The following AP3B1 variants were observed in gnomAD, a reference collection of about 807,000 sequenced individuals.
AP3B1 encodes the protein AP-3 complex subunit beta-1.
Under a neutral mutation model 132.5 loss-of-function variants are expected in AP3B1, and 61 were observed. The observed-to-expected ratio is 0.46, with a 90% confidence interval of 0.37 to 0.57. AP3B1 has a LOEUF of 0.57. Among genes scored for constraint, AP3B1 ranks in the 20% least tolerant of loss-of-function variants. The pLI is 0.00. For missense variants in AP3B1, 1,120 were observed against 1,289.4 expected, an observed-to-expected ratio of 0.87 and a Z score of 2.01; for synonymous variants, 388 against 438.3, an observed-to-expected ratio of 0.89 and a Z score of 1.43.
chr5:78,107,463 A>T (rs1004358808), intron 20 of AP3B1, among the ~76,000 whole-genome samples: 7 of 152,312 alleles, frequency 4.6e-5, no homozygotes, highest in Non-Finnish European at 8.8e-5. Flanking sequence ...AAATGCTGAA[A>T]AAACCTGAAT....
rs1053094953 is a variant in AP3B1 at position 78,078,654 on chromosome 5, T to C, written c.2577+10739A>G. The stretch of plus-strand genomic sequence containing the variant: ...ACAAATATCGCTATCCAAGTCCATA[T>C]TGATAGGCACTCTTTGCAGAATTAC... On this transcript the variant is annotated intron_variant, in intron 22 of 26. Transcript: ENST00000255194. Among the ~76,000 whole-genome samples the C allele has an allele frequency of 3.3e-5, 5 of 152,224 alleles. No homozygotes were observed. In the South Asian group the frequency reaches 8.3e-4, roughly 25 times the overall value.
At chr5:78,182,333 G>T (rs976753169) in intron 7 of AP3B1, among the ~76,000 whole-genome samples, 5 of 152,326 alleles carry the variant, frequency 3.3e-5, no homozygotes, top group Admixed American at 6.5e-5. Context: ...CTGTTTAGAG[G>T]TAACTTCCGT....
At chr5:78,205,872 T>C (rs1199315124) in intron 7 of AP3B1, among the ~76,000 whole-genome samples, 6 of 149,060 alleles carry the variant, frequency 4.0e-5, no homozygotes, top group Middle Eastern at 3.5e-3. Context: ...TTTTTTTTTT[T>C]CAGAATATAG....
chr5:78,141,172 C>G lies in AP3B1; in HGVS notation c.1621G>C (p.Ala541Pro). ...LVKLQILNLGAKLYLTNSKQT... is the reference protein window; with the variant it reads ...LVKLQILNLGPKLYLTNSKQT... The stretch of plus-strand genomic sequence containing the variant: ...TTGGAGTTGGTTAAATACAATTTTG[C>G]TCCCAGATTTAATATCTGCAGTTTT... The change falls in exon 15 of 27, where the codon GCA (alanine) becomes CCA (proline). Residue 541 changes from alanine (A) to proline (P), a missense_variant. Coordinates refer to ENST00000255194, the MANE Select transcript of AP3B1 (RefSeq NM_003664.5). 1 of 1,613,700 alleles carries G rather than the reference C, an allele frequency of 6.2e-7. No individual in the cohort carries two copies. Among genetic ancestry groups the G allele is most frequent in the East Asian group, 2.2e-5 (1 of 44,836 alleles).
chr5:78,248,393 T>G (rs1747465640), intron 2 of AP3B1, among the ~76,000 whole-genome samples: 1 of 146,990 alleles, frequency 6.8e-6, no homozygotes, highest in Admixed American at 7.1e-5. Context: ...CTCAGGAGGC[T>G]GAGGCAGAAG....
At chr5:78,131,761 C>A (rs1197662162) in intron 15 of AP3B1, among the ~76,000 whole-genome samples, 1 of 152,126 alleles carries the variant, frequency 6.6e-6, no homozygotes, top group Non-Finnish European at 1.5e-5. Flanking sequence ...TTAACCTGTT[C>A]AGTTCTTCCC....
chr5:78,213,117 G>A (rs1275213152), intron 7 of AP3B1, among the ~76,000 whole-genome samples: 3 of 151,778 alleles, frequency 2.0e-5, no homozygotes, highest in African/African-American at 7.3e-5. Context: ...CTGACCTCGT[G>A]ATAAGCCCGC....
At chr5:78,128,624 T>C (rs1752564096) in intron 16 of AP3B1, among the ~76,000 whole-genome samples, 1 of 152,126 alleles carries the variant, frequency 6.6e-6, no homozygotes, top group South Asian at 2.1e-4. Context: ...TGTAAGGTGG[T>C]AAAATACTTA....
At chr5:78,157,040 T>G (rs746570713) in intron 13 of AP3B1, among the ~76,000 whole-genome samples, 2 of 152,110 alleles carry the variant, frequency 1.3e-5, no homozygotes, top group African/African-American at 2.4e-5. Context: ...GGTCCTGGCT[T>G]ATAGCTGTGT....
chr5:78,109,604 T>A (rs1046490415), intron 20 of AP3B1, among the ~76,000 whole-genome samples: 3 of 152,152 alleles, frequency 2.0e-5, no homozygotes, highest in Admixed American at 2.0e-4. Flanking sequence ...TATATTTTTA[T>A]TCTTTTAACT....
chr5:78,113,793 G>A lies in AP3B1; in HGVS notation c.2208C>T (p.Asn736=), dbSNP rs78531089. Residue 736 remains asparagine (N), a synonymous_variant, in exon 19 of 27, where the codon AAC becomes AAT. Transcript: ENST00000255194. ...SESGRESGLE[N]KRTAKRNSKA... is the part of the protein sequence containing the mutation. Reference sequence around the variant, plus strand: ...TTGAGTTCCTCTTGGCTGTTCTTTTGTTTTCTAGGCCTGACTCCCGTCCAC... The same window carrying A: ...TTGAGTTCCTCTTGGCTGTTCTTTTATTTTCTAGGCCTGACTCCCGTCCAC... 2.5e-6 allele frequency: 4 copies of A among 1,613,876 alleles called. No individual in the cohort carries two copies. In the African/African-American group the frequency reaches 5.3e-5, roughly 22 times the overall value.
intron 7 of AP3B1, among the ~76,000 whole-genome samples, chr5:78,197,360 T>C (rs1362887067): frequency 6.6e-6 from 1 of 152,166 alleles, no homozygotes; most frequent in Non-Finnish European, 1.5e-5. Flanking sequence ...CAAACGTTGT[T>C]ACATTACATA....
rs143218520 is a variant in AP3B1, at chr5:78,270,480, G to C, written c.129-2885C>G. Reference sequence around the variant, plus strand: ...CAATCAGAGATACATGCCCAAAAAAGGATGTATAAAAATATTCAACGAAGG... The same window carrying C: ...CAATCAGAGATACATGCCCAAAAAACGATGTATAAAAATATTCAACGAAGG... On this transcript the variant is annotated intron_variant, in intron 1 of 26. Transcript: ENST00000255194. Among the ~76,000 whole-genome samples, 305 of 152,194 alleles carry C rather than the reference G, an allele frequency of 2.0e-3. 3 individuals are homozygous for C. The highest frequency in any genetic ancestry group is 7.2e-3 in the African/African-American group (297 of 41,522).
At chr5:78,196,144 G>A (rs1745069128) in intron 7 of AP3B1, among the ~76,000 whole-genome samples, 1 of 152,110 alleles carries the variant, frequency 6.6e-6, no homozygotes. Flanking sequence ...ATAAAGGACT[G>A]TTATCCAAAA....
At position 78,294,472 on chromosome 5, in the gene AP3B1, G is replaced by T; in HGVS notation, c.108C>A (p.Leu36=). ...CTCACTTCTTCAAATCGCTGCTAAA[G>T]AGGCCGAAGGCCCCCGAGGGGGAAA... The part of the protein sequence containing the change: ...STISPSGAFG[L]FSSDLKKNED... Residue 36 remains leucine (L), a synonymous_variant, in exon 1 of 27, where the codon CTC becomes CTA. Coordinates refer to ENST00000255194, the MANE Select transcript of AP3B1 (RefSeq NM_003664.5). The T allele has an allele frequency of 3.7e-6, 6 of 1,614,230 alleles. No individual in the cohort carries two copies. The highest frequency in any genetic ancestry group is 2.2e-5 in the South Asian group (2 of 91,092).
intron 2 of AP3B1, among the ~76,000 whole-genome samples, chr5:78,254,492 G>A (rs114718207): frequency 0.011 from 1,667 of 152,218 alleles, 33 homozygotes; most frequent in African/African-American, 0.038. Flanking sequence ...AACATACAAC[G>A]GAGCTCCAAT....
intron 24 of AP3B1, 118 bp downstream of exon 24, chr5:78,034,243 A>C: frequency 3.7e-6 from 3 of 808,246 alleles, no homozygotes; most frequent in Non-Finnish European, 6.4e-6. Context: ...TATCAAAGCA[A>C]AACATATTTG....
At chr5:78,216,320 T>C (rs1745960375) in intron 6 of AP3B1, 83 bp from the exon 7 acceptor site, 2 of 1,291,582 alleles carry the variant, frequency 1.5e-6, no homozygotes, top group Admixed American at 3.9e-5. Context: ...TAGTAATCAG[T>C]TTCATGCCAA....
chr5:78,043,728 C>A, intron 22 of AP3B1: 1 of 415,622 alleles, frequency 2.4e-6, no homozygotes, highest in South Asian at 2.2e-5. Flanking sequence ...CAACTACTTT[C>A]TCTGCCACAA....
Sources: gnomAD v4.1 joint callset for allele counts (sites outside exome capture counted in the v4.1 genomes callset) on GRCh38, gnomAD v4.1.1 for gene constraint, MANE v1.5 for transcripts, NCBI Gene and HGNC (gene_info 2026-07-23, HGNC 2026-07-21) for gene names.